The following PXDNL variants were observed in gnomAD, a reference collection of about 807,000 sequenced individuals.
The protein encoded by PXDNL is peroxidasin like, also known as probable oxidoreductase PXDNL.
PXDNL carries 145 observed loss-of-function variants against 150.8 expected under a neutral mutation model. The observed-to-expected ratio is 0.96, with a 90% confidence interval of 0.84 to 1.10. PXDNL has a LOEUF of 1.10. Among genes scored for constraint, PXDNL ranks in the 50% least tolerant of loss-of-function variants. The pLI, the probability that PXDNL is intolerant of heterozygous loss-of-function variation, is 0.00. For synonymous variants in PXDNL, 757 were observed against 725.7 expected, an observed-to-expected ratio of 1.04 and a Z score of -0.69; for missense variants, 2,087 against 1,873.9, an observed-to-expected ratio of 1.11 and a Z score of -2.10.
At chr8:51,718,294 T>C (rs116467781) in intron 1 of PXDNL, among the ~76,000 whole-genome samples, 1,616 of 151,916 alleles carry the variant, frequency 0.011, 24 homozygotes, top group African/African-American at 0.032. Context: ...AGCTGGGAGA[T>C]TGTGGGGGAA....
At chr8:51,337,431 C>T (rs1805860727) in intron 21 of PXDNL, among the ~76,000 whole-genome samples, 1 of 152,236 alleles carries the variant, frequency 6.6e-6, no homozygotes, top group African/African-American at 2.4e-5. Context: ...GCTGTTACAA[C>T]ATCTCTTCCC....
rs200297772 is a variant in PXDNL at position 51,494,913 on chromosome 8, C to A, written c.452+4786G>T. On this transcript the variant is annotated intron_variant, in intron 5 of 22. Transcript: ENST00000356297. ...AAGGATATCCAGGAATTGAACTCGGCTCTGCACCAAGCAGACCTAATAGAC... is the reference window on the plus strand; with the variant it reads ...AAGGATATCCAGGAATTGAACTCGGATCTGCACCAAGCAGACCTAATAGAC... Among the ~76,000 whole-genome samples the A allele has an allele frequency of 3.3e-5, 5 of 152,192 alleles. No individual in the cohort carries two copies. In the East Asian group the frequency reaches 9.7e-4, roughly 29 times the overall value.
intron 19 of PXDNL, among the ~76,000 whole-genome samples, chr8:51,356,139 GT>G (rs1806500246): frequency 6.6e-6 from 1 of 152,112 alleles, no homozygotes; most frequent in Admixed American, 6.6e-5. Context: ...TGAAGTGTTG[GT>G]TTTTTTGGTC....
At chr8:51,654,831 G>A in intron 1 of PXDNL, 71 bp from the exon 2 acceptor site, 1 of 1,204,170 alleles carries the variant, frequency 8.3e-7, no homozygotes, top group Non-Finnish European at 1.2e-6. Context: ...CCAGAAGCTT[G>A]AAGGCTAAAT....
At chr8:51,630,606 C>A (rs1046670109) in intron 2 of PXDNL, among the ~76,000 whole-genome samples, 4 of 151,968 alleles carry the variant, frequency 2.6e-5, no homozygotes, top group Non-Finnish European at 5.9e-5. Flanking sequence ...ACAAACAACC[C>A]CGTTAAAAAG....
chr8:51,351,171 T>C (rs544293057), intron 19 of PXDNL, among the ~76,000 whole-genome samples: 69 of 152,352 alleles, frequency 4.5e-4, no homozygotes, highest in African/African-American at 1.6e-3. Context: ...CTTAAAATGA[T>C]ACAAACACAT....
chr8:51,575,955 C>G (rs1813042558), intron 3 of PXDNL, among the ~76,000 whole-genome samples: 1 of 151,500 alleles, frequency 6.6e-6, no homozygotes, highest in Non-Finnish European at 1.5e-5. Context: ...TTAAAAAGGT[C>G]AGTCCACCAA....
chr8:51,535,169 G>A (rs1451862145), intron 4 of PXDNL, among the ~76,000 whole-genome samples: 2 of 136,848 alleles, frequency 1.5e-5, no homozygotes, highest in African/African-American at 3.2e-5. Context: ...CGCCCCTACT[G>A]GGAAGTGAGG....
At chr8:51,685,261 TA>T (rs1230483973) in intron 1 of PXDNL, among the ~76,000 whole-genome samples, 1 of 152,184 alleles carries the variant, frequency 6.6e-6, no homozygotes, top group African/African-American at 2.4e-5. Flanking sequence ...TCACCTAGAT[TA>T]ATGTCTGCTG....
intron 2 of PXDNL, among the ~76,000 whole-genome samples, chr8:51,645,499 G>A (rs1459069020): frequency 1.3e-5 from 2 of 152,178 alleles, no homozygotes; most frequent in Admixed American, 1.3e-4. Flanking sequence ...AAGAGACAGG[G>A]AGACCATTTA....
At chr8:51,432,353 C>T (rs1809270431) in intron 12 of PXDNL, among the ~76,000 whole-genome samples, 1 of 152,116 alleles carries the variant, frequency 6.6e-6, no homozygotes, top group Admixed American at 6.6e-5. Context: ...ACAGTAATAC[C>T]ATCTTGCTAT....
intron 1 of PXDNL, among the ~76,000 whole-genome samples, chr8:51,683,305 G>T (rs965003361): frequency 6.7e-6 from 1 of 148,978 alleles, no homozygotes; most frequent in African/African-American, 2.5e-5. Context: ...GCTTTGATTT[G>T]CATCTCCCTA....
At chr8:51,518,220 G>A (rs917081881) in intron 4 of PXDNL, among the ~76,000 whole-genome samples, 4 of 152,120 alleles carry the variant, frequency 2.6e-5, no homozygotes, top group African/African-American at 7.2e-5. Flanking sequence ...ACCCACAGAC[G>A]GATTCCAATG....
intron 4 of PXDNL, among the ~76,000 whole-genome samples, chr8:51,501,633 CTG>C (rs1411172712): frequency 2.0e-5 from 3 of 152,068 alleles, no homozygotes; most frequent in African/African-American, 4.8e-5. Flanking sequence ...CACACTCACA[CTG>C]TCTCATGTAC....
chr8:51,756,054 A>T (rs2037096488), intron 1 of PXDNL, among the ~76,000 whole-genome samples: 2 of 152,326 alleles, frequency 1.3e-5, no homozygotes, highest in Admixed American at 1.3e-4. Context: ...AATGTATCAT[A>T]TACATGAGTA....
At chr8:51,632,385 G>A (rs2130757905) in intron 2 of PXDNL, among the ~76,000 whole-genome samples, 1 of 152,216 alleles carries the variant, frequency 6.6e-6, no homozygotes, top group South Asian at 2.1e-4. Flanking sequence ...CAGATCACTT[G>A]AGCCCAGGAG....
At chr8:51,585,360 A>C (rs752898183) in intron 3 of PXDNL, among the ~76,000 whole-genome samples, 46 of 152,118 alleles carry the variant, frequency 3.0e-4, no homozygotes, top group Non-Finnish European at 6.0e-4. Context: ...GTTCCACCTC[A>C]GGGAGGTGTA....
At chr8:51,754,695 C>G (rs13260239) in intron 1 of PXDNL, among the ~76,000 whole-genome samples, 143,012 of 152,010 alleles carry the variant, frequency 0.94, 67,848 homozygotes, top group East Asian at 1. Context: ...AGTAGAGATA[C>G]GGTTTCACCG....
At chr8:51,760,890 G>A (rs1218875123) in intron 1 of PXDNL, among the ~76,000 whole-genome samples, 3 of 74,388 alleles carry the variant, frequency 4.0e-5, no homozygotes, top group South Asian at 5.2e-4. Flanking sequence ...ACGGAGTCTC[G>A]CTCTGTCGCC....
Sources: allele counts gnomAD v4.1 joint callset (sites outside exome capture counted in the v4.1 genomes callset), GRCh38; gene constraint gnomAD v4.1.1; transcripts MANE v1.5; gene names NCBI Gene and HGNC (gene_info 2026-07-23, HGNC 2026-07-21).